Variants in AGBL1 observed in about 807,000 individuals in gnomAD.
AGBL1 encodes AGBL carboxypeptidase 1.
AGBL1 carries 130 observed loss-of-function variants against 118.9 expected under a neutral mutation model. The ratio of observed to expected loss-of-function variants is 1.09; its 90% CI spans 0.95 to 1.26. The LOEUF (loss-of-function observed/expected upper bound fraction) is 1.26. Ranked by LOEUF, AGBL1 falls within the 50% of genes most tolerant of loss-of-function variation. The pLI, the probability that AGBL1 is intolerant of heterozygous loss-of-function variation, is 0.00. For missense variants in AGBL1, 1,584 were observed against 1,298.1 expected, an observed-to-expected ratio of 1.22 and a Z score of -3.38; for synonymous variants, 555 against 478.9, an observed-to-expected ratio of 1.16 and a Z score of -2.08.
intron 22 of AGBL1, among the ~76,000 whole-genome samples, chr15:86,797,311 T>C (rs1474282122): frequency 6.6e-6 from 1 of 152,212 alleles, no homozygotes; most frequent in Non-Finnish European, 1.5e-5. Context: ...GCATGACAGA[T>C]TCCTCTTTAC....
chr15:87,024,885 A>C (rs1040175206), intron 24 of AGBL1, among the ~76,000 whole-genome samples: 2 of 152,098 alleles, frequency 1.3e-5, no homozygotes, highest in Non-Finnish European at 2.9e-5. Context: ...AAAACACATG[A>C]TGATCTCAAT....
intron 21 of AGBL1, among the ~76,000 whole-genome samples, chr15:86,648,462 C>A (rs769594103): frequency 6.6e-6 from 1 of 152,090 alleles, no homozygotes; most frequent in Non-Finnish European, 1.5e-5. Flanking sequence ...ATGGAGTTCC[C>A]CATCAACAGA....
intron 23 of AGBL1, among the ~76,000 whole-genome samples, chr15:86,983,580 A>G (rs555804844): frequency 6.6e-6 from 1 of 152,302 alleles, no homozygotes; most frequent in South Asian, 2.1e-4. Flanking sequence ...CAATAAATGC[A>G]TACATTTTAA....
intron 17 of AGBL1, among the ~76,000 whole-genome samples, chr15:86,361,183 G>A (rs979361963): frequency 6.6e-6 from 1 of 151,826 alleles, no homozygotes; most frequent in African/African-American, 2.4e-5. Context: ...ATTTCAAAAT[G>A]TTTTTAACAT....
At chr15:86,577,638 A>G (rs868568590) in intron 21 of AGBL1, among the ~76,000 whole-genome samples, 6 of 152,078 alleles carry the variant, frequency 3.9e-5, no homozygotes, top group South Asian at 2.1e-4. Context: ...GAGGGGAAAA[A>G]GTGGTTTAAT....
At chr15:87,022,920 A>G (rs1267115628) in intron 24 of AGBL1, among the ~76,000 whole-genome samples, 2 of 152,072 alleles carry the variant, frequency 1.3e-5, no homozygotes, top group African/African-American at 4.8e-5. Context: ...GAGAGAATTT[A>G]CCACTACCAT....
At chr15:86,815,765 G>A (rs1377089) in intron 22 of AGBL1, among the ~76,000 whole-genome samples, 5,634 of 152,026 alleles carry the variant, frequency 0.037, 164 homozygotes, top group Non-Finnish European at 0.058. Context: ...CTCTATCCCC[G>A]TCCTCTCCTC....
At chr15:86,305,012 C>T (rs956017991) in intron 17 of AGBL1, 1 of 152,140 alleles carries the variant, frequency 6.6e-6, no homozygotes, top group Non-Finnish European at 1.5e-5. Flanking sequence ...GGTTCAGATG[C>T]CTTTCTCTTT....
At chr15:86,442,357 C>G (rs779049245) in intron 18 of AGBL1, among the ~76,000 whole-genome samples, 7 of 152,166 alleles carry the variant, frequency 4.6e-5, no homozygotes. Flanking sequence ...TGGTTTCATT[C>G]CCTGTTACCT....
chr15:86,324,541 C>A (rs1316996316), intron 17 of AGBL1, among the ~76,000 whole-genome samples: 1 of 152,146 alleles, frequency 6.6e-6, no homozygotes, highest in Non-Finnish European at 1.5e-5. Context: ...ATTCATTCAA[C>A]CAATTTGTAT....
intron 21 of AGBL1, among the ~76,000 whole-genome samples, chr15:86,601,802 T>G (rs2084498005): frequency 6.6e-6 from 1 of 152,178 alleles, no homozygotes; most frequent in Admixed American, 6.6e-5. Context: ...TTTGAGGTGG[T>G]TTAGGCAAAT....
At chr15:86,497,298 G>C (rs2082866645) in intron 18 of AGBL1, among the ~76,000 whole-genome samples, 1 of 151,834 alleles carries the variant, frequency 6.6e-6, no homozygotes, top group Non-Finnish European at 1.5e-5. Context: ...TAAACCTCAT[G>C]TCTGAAAATG....
At chr15:87,003,715 T>G (rs1218038145) in intron 24 of AGBL1, among the ~76,000 whole-genome samples, 9 of 152,194 alleles carry the variant, frequency 5.9e-5, no homozygotes, top group Non-Finnish European at 1.0e-4. Flanking sequence ...GGAGGGTGTA[T>G]GTGTCAAGGA....
intron 3 of AGBL1, among the ~76,000 whole-genome samples, chr15:86,146,850 G>A (rs2077039918): frequency 6.6e-6 from 1 of 152,090 alleles, no homozygotes; most frequent in East Asian, 1.9e-4. Flanking sequence ...CCTCTTTGCT[G>A]GTGTCCTTTA....
intron 22 of AGBL1, among the ~76,000 whole-genome samples, chr15:86,684,457 TTC>T (rs1344697980): frequency 1.7e-5 from 1 of 60,106 alleles, no homozygotes; most frequent in East Asian, 6.4e-4. Flanking sequence ...CCTAGCATAG[TTC>T]TCTCTTTTTT....
At chr15:86,420,648 T>G (rs2346308) in intron 18 of AGBL1, among the ~76,000 whole-genome samples, 82,435 of 152,024 alleles carry the variant, frequency 0.54, 24,441 homozygotes, top group East Asian at 0.8. Flanking sequence ...CAGAAGGTGG[T>G]TAATCACAAA....
At chr15:87,023,640 A>G (rs1003338707) in intron 24 of AGBL1, among the ~76,000 whole-genome samples, 2 of 152,144 alleles carry the variant, frequency 1.3e-5, no homozygotes, top group African/African-American at 4.8e-5. Context: ...TGGACTTAAC[A>G]GATATATACA....
chr15:86,889,784 T>C (rs563792388), intron 22 of AGBL1, among the ~76,000 whole-genome samples: 1 of 152,314 alleles, frequency 6.6e-6, no homozygotes, highest in Admixed American at 6.5e-5. Context: ...TTTTCTTAAT[T>C]CCGTCTATCA....
chr15:86,979,574 C>T (rs1416128926), intron 23 of AGBL1, among the ~76,000 whole-genome samples: 3 of 151,922 alleles, frequency 2.0e-5, no homozygotes, highest in Non-Finnish European at 2.9e-5. Context: ...CTGCAAGCTC[C>T]GCCTCCCGGG....
Sources: gnomAD v4.1 joint callset for allele counts (sites outside exome capture counted in the v4.1 genomes callset) on GRCh38, gnomAD v4.1.1 for gene constraint, MANE v1.5 for transcripts, NCBI Gene and HGNC (gene_info 2026-07-23, HGNC 2026-07-21) for gene names.